COX15: variants seen among roughly 807,000 people sequenced by gnomAD.
The protein encoded by COX15 is heme A synthase COX15.
Under a neutral mutation model 51.9 loss-of-function variants are expected in COX15, and 51 were observed. The ratio of observed to expected loss-of-function variants is 0.98; its 90% CI spans 0.78 to 1.24. The LOEUF (loss-of-function observed/expected upper bound fraction) is 1.24. Among genes scored for constraint, COX15 ranks in the 50% most tolerant of loss-of-function variants. The pLI is 0.00. For synonymous variants in COX15, 188 were observed against 190.5 expected (o/e 0.99, Z 0.11); for missense variants, 420 against 501.1 (o/e 0.84, Z 1.55).
At chr10:99,731,811 T>C in intron 1 of COX15, 149 bp downstream of exon 1, 2 of 1,000,650 alleles carry the variant, frequency 2.0e-6, no homozygotes, top group Non-Finnish European at 3.0e-6. Context: ...GTTCCAGATC[T>C]GAACCTAGGG....
At chr10:99,725,845 G>A (rs1272712711) in intron 4 of COX15, among the ~76,000 whole-genome samples, 9 of 152,138 alleles carry the variant, frequency 5.9e-5, no homozygotes, top group South Asian at 2.1e-4. Flanking sequence ...CACTGCACCC[G>A]GCCTTAATCC....
intron 4 of COX15, among the ~76,000 whole-genome samples, chr10:99,726,231 G>A (rs1489496297): frequency 6.6e-6 from 1 of 152,154 alleles, no homozygotes; most frequent in Non-Finnish European, 1.5e-5. Context: ...TTCTAGCACA[G>A]GGATCCCTCT....
In COX15 at chr10:99,727,583, T is replaced by G; in HGVS notation, c.273-20A>C. ...GTCAACCTTAGGATAGGAAAGAAAT[T>G]TTGGGGTGTATGCGTGAGGCTGGAT... On this transcript the variant is annotated intron_variant, in intron 2 of 8. Coordinates refer to ENST00000016171, the MANE Select transcript of COX15 (RefSeq NM_078470.6). 1.2e-6 allele frequency: 2 copies of G among 1,612,574 alleles called. No individual in the cohort carries two copies. The highest frequency in any genetic ancestry group is 1.7e-6 in the Non-Finnish European group (2 of 1,179,958).
intron 1 of COX15, 64 bp from the exon 2 acceptor site, chr10:99,729,798 C>A (rs1043489695): frequency 3.3e-6 from 5 of 1,538,264 alleles, no homozygotes; most frequent in East Asian, 2.3e-5. Context: ...CCACACTCAA[C>A]CCCATTCTGA....
chr10:99,703,081 T>C, the COX15 span, among the ~76,000 whole-genome samples: 1 of 152,204 alleles, frequency 6.6e-6, no homozygotes, highest in Non-Finnish European at 1.5e-5. Flanking sequence ...TTTCATAACA[T>C]ACAGAGGCAC....
chr10:99,710,573 C>T (rs886046599), downstream of COX15: 21 of 985,286 alleles, frequency 2.1e-5, no homozygotes, highest in Non-Finnish European at 2.5e-5. Context: ...AAAATTCTCA[C>T]TGACAAACAT....
chr10:99,703,363 C>T, the COX15 span, among the ~76,000 whole-genome samples: 1 of 152,202 alleles, frequency 6.6e-6, no homozygotes, highest in Non-Finnish European at 1.5e-5. Flanking sequence ...GGGAAGTGGG[C>T]TAGGTGGGGG....
chr10:99,704,766 G>A, the COX15 span: 1 of 1,254,298 alleles, frequency 8.0e-7, no homozygotes, highest in Non-Finnish European at 1.1e-6. Context: ...AGCCTCAGAT[G>A]CTGTGATGTC....
chr10:99,700,810 AG>A, the COX15 span: 2 of 677,510 alleles, frequency 3.0e-6, no homozygotes, highest in Middle Eastern at 2.5e-4. Context: ...GGGAATAAAC[AG>A]GGGTATGACG....
the COX15 span, chr10:99,702,724 G>A: frequency 6.7e-7 from 1 of 1,493,058 alleles, no homozygotes; most frequent in Non-Finnish European, 9.0e-7. Flanking sequence ...GATATCAGTT[G>A]ATGCCTCAGA....
rs375541003 is a variant in COX15, at chr10:99,724,010, A to C, written c.696T>G (p.Val232=). ...RLAAHLGSAL[V]LYCASLWTSL... is the part of the protein sequence containing the mutation. ...AGGTCCACAAGCTGGCACAATAAAG[A>C]ACCAGGGCTGATCCCAGGTGGGCAG... is the stretch of plus-strand genomic sequence containing the variant. The change falls in exon 5 of 9, where the codon GTT becomes GTG. Residue 232 remains valine (V), a synonymous_variant. Coordinates refer to ENST00000016171, the MANE Select transcript of COX15 (RefSeq NM_078470.6). The C allele has an allele frequency of 1.3e-5, 21 of 1,613,980 alleles. No individual in the cohort carries two copies. In the African/African-American group the frequency reaches 2.7e-4, roughly 21 times the overall value.
At chr10:99,702,994 A>C in the COX15 span, among the ~76,000 whole-genome samples, 2 of 152,180 alleles carry the variant, frequency 1.3e-5, no homozygotes, top group African/African-American at 4.8e-5. Context: ...AGATACTGAC[A>C]AGCTAAAATG....
downstream of COX15, chr10:99,710,331 A>G (rs566799599): frequency 1.0e-6 from 1 of 985,424 alleles, no homozygotes; most frequent in Non-Finnish European, 1.2e-6. Context: ...TGAAATTCTC[A>G]TTCCACAATT....
rs201703572 is a variant in COX15, at chr10:99,718,492, C to T, written c.841G>A (p.Val281Met). The T allele has an allele frequency of 2.9e-5, 47 of 1,614,172 alleles. No homozygotes were observed. The East Asian group carries it at 1.0e-3, about 35-fold the overall frequency. Residue 281 changes from valine (V) to methionine (M), a missense_variant, in exon 7 of 9, where the codon GTG becomes ATG. By Grantham distance (21) the Val-to-Met change is conservative (BLOSUM62 1). Transcript: ENST00000016171. ...ACAAGCCCAGCATCTAGCCCTGCCACAAAAGCCCCTGTATTCCAAGGTAAA... is the reference window on the plus strand; with the variant it reads ...ACAAGCCCAGCATCTAGCCCTGCCATAAAAGCCCCTGTATTCCAAGGTAAA... Reference protein sequence around the residue: ...VFLTALSGAFVAGLDAGLVYN... With the variant: ...VFLTALSGAFMAGLDAGLVYN...
At chr10:99,710,429 G>T, downstream of COX15, 1 of 980,444 alleles carries the variant, frequency 1.0e-6, no homozygotes, top group Non-Finnish European at 1.2e-6. Flanking sequence ...TGTAGTGAAA[G>T]ACATCTTTTT....
rs2036361565 is a variant in COX15 at position 99,710,918 on chromosome 10, G to GT, written c.*3668dup. 1.0e-6 allele frequency: 1 copy of GT among 985,274 alleles called. No homozygotes were observed. The highest frequency in any genetic ancestry group is 1.2e-6 in the Non-Finnish European group (1 of 829,782). 61.0% of individuals were successfully genotyped at this position (985,274 alleles called of 1,614,324 possible). A position where few individuals can be genotyped will look rare whatever the true frequency, so the allele number is the denominator to read the frequency against. On this transcript the variant is annotated 3_prime_UTR_variant, in exon 9 of 9. Coordinates refer to ENST00000016171, the MANE Select transcript of COX15 (RefSeq NM_078470.6). Reference sequence around the variant, plus strand: ...CCTTCATGTTTTAAAAACAATGGACGTAAGTGCAGAGAGACCTTTGAAAAT... The same window carrying GT: ...CCTTCATGTTTTAAAAACAATGGACGTTAAGTGCAGAGAGACCTTTGAAAAT...
At chr10:99,701,419 C>G in the COX15 span, among the ~76,000 whole-genome samples, 2 of 151,904 alleles carry the variant, frequency 1.3e-5, no homozygotes, top group South Asian at 2.1e-4. Flanking sequence ...CCCCAAGTAG[C>G]TGGGACTATA....
rs575858226 is a variant in COX15, at chr10:99,729,142, G to A, written c.272+411C>T. Among the ~76,000 whole-genome samples, 6 of 152,246 alleles carry A rather than the reference G, an allele frequency of 3.9e-5. No individual in the cohort carries two copies. In the South Asian group the frequency reaches 1.2e-3, roughly 32 times the overall value. On this transcript the variant is annotated intron_variant, in intron 2 of 8. Coordinates refer to ENST00000016171, the MANE Select transcript of COX15 (RefSeq NM_078470.6). ...CTCGGTTTCTCCATCTATACAATGA[G>A]GGAGCTAGACTAGATGCTCTGTAAA...
the COX15 span, chr10:99,696,066 C>T: frequency 1.9e-5 from 31 of 1,614,090 alleles, 1 homozygote; most frequent in South Asian, 3.4e-4. Flanking sequence ...TCGGAGGCAA[C>T]TTTGCCCGGC....
Sources: allele counts gnomAD v4.1 joint callset (sites outside exome capture counted in the v4.1 genomes callset), GRCh38; gene constraint gnomAD v4.1.1; transcripts MANE v1.5; gene names NCBI Gene and HGNC (gene_info 2026-07-23, HGNC 2026-07-21).